NSD3: variants seen among roughly 807,000 people sequenced by gnomAD.
NSD3 encodes nuclear receptor binding SET domain protein 3.
Under a neutral mutation model 160.8 loss-of-function variants are expected in NSD3, and 24 were observed. That is an observed-to-expected ratio of 0.15 (90% CI 0.11 to 0.21). The LOEUF is 0.21. Among genes scored for constraint, NSD3 ranks in the 10% least tolerant of loss-of-function variants. The pLI is 1.00. For missense variants in NSD3, 1,157 were observed against 1,735.9 expected (o/e 0.67, Z 5.93); for synonymous variants, 520 against 600.0 (o/e 0.87, Z 1.95).
Position 38,317,360 on chromosome 8 carries a change from C to T in NSD3, c.1856-1318G>A. On this transcript the variant is annotated intron_variant, in intron 9 of 23. Coordinates refer to ENST00000317025, the MANE Select transcript of NSD3 (RefSeq NM_023034.2). The surrounding 1 kb of genome is among the most constrained non-coding windows in gnomAD (Gnocchi z 5.3). ...TCATTGCTGGTGTATGGACCCAGAA[C>T]ACCATCACAAAATATTTCCTTGGCC... The T allele has an allele frequency of 9.5e-7, 1 of 1,057,196 alleles. No individual in the cohort carries two copies. The highest frequency in any genetic ancestry group is 1.1e-6 in the Non-Finnish European group (1 of 874,144). The allele number at this position is 1,057,196 out of a possible 1,614,324, so 65.5% of individuals were successfully genotyped here.
chr8:38,284,295 C>T (rs1285915317), intron 19 of NSD3, among the ~76,000 whole-genome samples: 1 of 152,180 alleles, frequency 6.6e-6, no homozygotes, highest in Non-Finnish European at 1.5e-5. Context: ...TGATGAACAA[C>T]ATTTTGCACT....
At chr8:38,313,603 A>G (rs1367804501) in intron 12 of NSD3, among the ~76,000 whole-genome samples, 8 of 152,268 alleles carry the variant, frequency 5.3e-5, no homozygotes, top group Non-Finnish European at 8.8e-5. Context: ...CCTGGCTAAC[A>G]TGGTGAAACC....
chr8:38,316,096 A>C lies in NSD3; in HGVS notation c.1856-54T>G, dbSNP rs1809656332. 1 of 1,592,616 alleles carries C rather than the reference A, an allele frequency of 6.3e-7. No individual in the cohort carries two copies. Among genetic ancestry groups the C allele is most frequent in the African/African-American group, 1.4e-5 (1 of 73,946 alleles). On this transcript the variant is annotated intron_variant, in intron 9 of 23. Transcript: ENST00000317025. This position sits in a 1 kb window ranked among gnomAD's most constrained non-coding sequence, Gnocchi z 4.5. ...AAAATAGTACTTAAGGTTTGTTTTA[A>C]TTTTTTTGTGTGTGGGAGAATATTT...
At chr8:38,359,564 G>A (rs1021271613) in intron 1 of NSD3, among the ~76,000 whole-genome samples, 2 of 152,056 alleles carry the variant, frequency 1.3e-5, no homozygotes, top group Non-Finnish European at 2.9e-5. Flanking sequence ...ACTTGACCAC[G>A]CCCCTATGGT....
chr8:38,277,561 GCC>G, intron 22 of NSD3, among the ~76,000 whole-genome samples: 1 of 152,330 alleles, frequency 6.6e-6, no homozygotes, highest in Middle Eastern at 3.4e-3. Context: ...ACAGGCGTGA[GCC>G]ACCACGCCCA....
At chr8:38,283,682 C>T (rs1189152498) in intron 19 of NSD3, among the ~76,000 whole-genome samples, 3 of 152,204 alleles carry the variant, frequency 2.0e-5, no homozygotes, top group South Asian at 2.1e-4. Flanking sequence ...GTGAGCTCAG[C>T]GAGAAGCACC....
chr8:38,324,708 G>A (rs939984666), intron 7 of NSD3, among the ~76,000 whole-genome samples: 2 of 151,988 alleles, frequency 1.3e-5, no homozygotes, highest in African/African-American at 4.9e-5. Flanking sequence ...TGGGTTCCTA[G>A]TTGGGGGCTA....
intron 19 of NSD3, among the ~76,000 whole-genome samples, chr8:38,283,731 G>A (rs1435899810): frequency 1.3e-5 from 2 of 152,148 alleles, no homozygotes; most frequent in African/African-American, 2.4e-5. Context: ...CAGCTGCGGA[G>A]CAGTCACTAC....
intron 12 of NSD3, among the ~76,000 whole-genome samples, chr8:38,313,673 A>T (rs1221445476): frequency 6.6e-6 from 1 of 151,972 alleles, no homozygotes; most frequent in African/African-American, 2.4e-5. Context: ...CTGTAGTCCC[A>T]GCTACTCGGG....
intron 19 of NSD3, among the ~76,000 whole-genome samples, chr8:38,283,167 T>C (rs1012020088): frequency 1.3e-5 from 2 of 152,190 alleles, no homozygotes; most frequent in African/African-American, 4.8e-5. Context: ...CTAAAAGGCA[T>C]ACAGTGATAA....
chr8:38,361,849 A>C (rs1810975707), intron 1 of NSD3, among the ~76,000 whole-genome samples: 1 of 151,064 alleles, frequency 6.6e-6, no homozygotes, highest in South Asian at 2.1e-4. Context: ...GGGTGTGACG[A>C]CGGGGAGAGA....
chr8:38,305,401 T>C lies in NSD3; in HGVS notation c.2287A>G (p.Lys763Glu). ...FSCKVSGKDV[K>E]RCSVGACGKF... is the part of the protein sequence containing the mutation. Reference sequence around the variant, plus strand: ...CCACAAGCACCAACAGAACAACGCTTCACATCTTTACCAGACACTTTACAC... The same window carrying C: ...CCACAAGCACCAACAGAACAACGCTCCACATCTTTACCAGACACTTTACAC... The change falls in exon 13 of 24, where the codon AAG (lysine) becomes GAG (glutamate). Residue 763 changes from lysine (K) to glutamate (E), a missense_variant. Physicochemically the swap from Lys to Glu is moderately conservative, Grantham distance 56. This residue lies in a region of NSD3 where 437 missense variants were observed against 576.6 expected (regional missense o/e 0.76). Transcript: ENST00000317025. 1 of 1,614,140 alleles carries C rather than the reference T, an allele frequency of 6.2e-7. No individual in the cohort carries two copies. Among genetic ancestry groups the C allele is most frequent in the Non-Finnish European group, 8.5e-7 (1 of 1,180,030 alleles).
chr8:38,294,248 A>G (rs1029066121), intron 16 of NSD3, among the ~76,000 whole-genome samples: 1 of 152,062 alleles, frequency 6.6e-6, no homozygotes, highest in Non-Finnish European at 1.5e-5. Context: ...ATGGCACGCC[A>G]CTATGCCCAG....
intron 1 of NSD3, among the ~76,000 whole-genome samples, chr8:38,371,714 T>C (rs1811246992): frequency 2.0e-5 from 3 of 152,142 alleles, no homozygotes; most frequent in Admixed American, 6.5e-5. Context: ...GCAGAGATCA[T>C]ACAAAAGGAG....
chr8:38,291,499 A>G (rs112962403), intron 16 of NSD3, among the ~76,000 whole-genome samples: 33 of 152,346 alleles, frequency 2.2e-4, no homozygotes, highest in Admixed American at 4.6e-4. Context: ...ACATAACTGT[A>G]TTATTGAGAA....
chr8:38,339,149 A>AC (rs921113556), intron 2 of NSD3, among the ~76,000 whole-genome samples: 5 of 151,824 alleles, frequency 3.3e-5, no homozygotes, highest in Non-Finnish European at 5.9e-5. Flanking sequence ...CAAAAAAAAA[A>AC]AACAAAAAAA....
At chr8:38,326,189 T>G (rs1809907761) in intron 7 of NSD3, among the ~76,000 whole-genome samples, 1 of 152,094 alleles carries the variant, frequency 6.6e-6, no homozygotes, top group Non-Finnish European at 1.5e-5. Context: ...ACAATCTTAC[T>G]GAATACAGTC....
At chr8:38,275,957 C>G in intron 23 of NSD3, 75 bp from the exon 24 acceptor site, 1 of 1,317,012 alleles carries the variant, frequency 7.6e-7, no homozygotes, top group Non-Finnish European at 1.0e-6. Context: ...ATGAAAAACC[C>G]AGGTTCCTTC....
At chr8:38,296,707 T>C (rs1014524090) in intron 15 of NSD3, among the ~76,000 whole-genome samples, 1 of 150,048 alleles carries the variant, frequency 6.7e-6, no homozygotes, top group Non-Finnish European at 1.5e-5. Context: ...TGTGTGTGTG[T>C]GTGTGTGTAT....
Sources: allele counts gnomAD v4.1 joint callset (sites outside exome capture counted in the v4.1 genomes callset), GRCh38; gene constraint gnomAD v4.1.1; regional missense constraint gnomAD v4.1.1; non-coding constraint Gnocchi (gnomAD v3.1); transcripts MANE v1.5; gene names NCBI Gene and HGNC (gene_info 2026-07-23, HGNC 2026-07-21).